Variants in PCSK6 observed in about 807,000 individuals in gnomAD.
PCSK6 encodes the protein paired basic amino acid cleaving enzyme 4.
A neutral mutation model predicts 123.3 loss-of-function variants in PCSK6; 85 were observed. The observed-to-expected ratio is 0.69, with a 90% CI of 0.58 to 0.83. The LOEUF (loss-of-function observed/expected upper bound fraction) is 0.83, where lower values mean the gene tolerates loss of function less well. PCSK6 is among the 40% of genes least tolerant of loss of function. The pLI, the probability that PCSK6 is intolerant of heterozygous loss-of-function variation, is 0.00. For missense variants in PCSK6, 1,191 were observed against 1,282.3 expected (o/e 0.93, Z 1.09); for synonymous variants, 508 against 516.0 (o/e 0.98, Z 0.21).
chr15:101,456,943 A>G (rs1466478128), intron 1 of PCSK6, among the ~76,000 whole-genome samples: 8 of 152,072 alleles, frequency 5.3e-5, no homozygotes, highest in Admixed American at 2.6e-4. Flanking sequence ...TTGGGAGGCC[A>G]AGCAGATCAC....
chr15:101,324,920 G>A lies in PCSK6; in HGVS notation c.2307C>T (p.Arg769=), dbSNP rs556410372. 91 of 1,613,558 alleles carry A rather than the reference G, an allele frequency of 5.6e-5. No homozygotes were observed. Among genetic ancestry groups the A allele is most frequent in the East Asian group, 4.7e-4 (21 of 44,880 alleles). The change falls in exon 17 of 22, where the codon CGC becomes CGT. Residue 769 remains arginine, a synonymous_variant. Coordinates refer to ENST00000611716, the MANE Select transcript of PCSK6 (RefSeq NM_002570.5). ...TCATCTCCTGGTGGTGATAGAACCC[G>A]CGGCGGCAAGACAGGCACTGCGTCG... The part of the protein sequence containing the change: ...RAATQCLSCR[R]GFYHHQEMNT...
Position 101,489,442 on chromosome 15 carries a change from G to A in PCSK6, c.229C>T (p.Gln77Ter). 2.4e-6 allele frequency: 3 copies of A among 1,246,990 alleles called. No homozygotes were observed. The highest frequency in any genetic ancestry group is 2.0e-6 in the Non-Finnish European group (2 of 983,918). The allele number at this position is 1,246,990 out of a possible 1,614,324, so 77.2% of individuals were successfully genotyped here. ...RPVYTNHWAVQVLGGPAEADR... is the reference protein window; with the variant it reads ...RPVYTNHWAV ...GCCTCGGCCGGGCCGCCCAGCACTTGCACCGCCCAGTGGTTGGTGTAGACG... is the reference window on the plus strand; with the variant it reads ...GCCTCGGCCGGGCCGCCCAGCACTTACACCGCCCAGTGGTTGGTGTAGACG... Residue 77 changes from glutamine (Q) to a stop codon, truncating the protein, a stop_gained, in exon 1 of 22, where the codon CAA (glutamine) becomes TAA (stop). Coordinates refer to ENST00000611716, the MANE Select transcript of PCSK6 (RefSeq NM_002570.5). LOFTEE classifies it high-confidence loss of function.
At chr15:101,461,597 A>G (rs1055779854) in intron 1 of PCSK6, among the ~76,000 whole-genome samples, 3 of 152,196 alleles carry the variant, frequency 2.0e-5, no homozygotes, top group African/African-American at 7.2e-5. Context: ...ACTCCTAACT[A>G]AAATATTAGA....
chr15:101,463,196 T>A (rs1452071022), intron 1 of PCSK6: 1 of 441,010 alleles, frequency 2.3e-6, no homozygotes, highest in Non-Finnish European at 4.6e-6. Context: ...TCCTTTGCCC[T>A]CTGACTGTGG....
At chr15:101,389,764 G>C (rs951920797) in intron 8 of PCSK6, among the ~76,000 whole-genome samples, 200 bp from the exon 9 acceptor site, 2 of 152,312 alleles carry the variant, frequency 1.3e-5, no homozygotes, top group Non-Finnish European at 1.5e-5. Context: ...CACTTTGTAG[G>C]AAGACAGGCA....
intron 2 of PCSK6, among the ~76,000 whole-genome samples, chr15:101,435,320 A>T (rs942626829): frequency 1.1e-5 from 1 of 90,390 alleles, no homozygotes; most frequent in Non-Finnish European, 2.3e-5. Context: ...CAAAAAAAAA[A>T]AGAAAGAAAG....
chr15:101,315,175 C>T (rs2039959553), intron 19 of PCSK6, among the ~76,000 whole-genome samples: 1 of 152,202 alleles, frequency 6.6e-6, no homozygotes, highest in Non-Finnish European at 1.5e-5. Context: ...GTTGTTAAAA[C>T]ACATTTATTT....
intron 8 of PCSK6, among the ~76,000 whole-genome samples, chr15:101,392,593 CTTT>C (rs10525638): frequency 7.4e-5 from 9 of 122,338 alleles, no homozygotes; most frequent in Middle Eastern, 4.3e-3. Flanking sequence ...CTCCCTTCCT[CTTT>C]TTTTTTTTTT....
intron 11 of PCSK6, among the ~76,000 whole-genome samples, chr15:101,371,428 CT>C (rs1428939894): frequency 1.3e-5 from 2 of 152,072 alleles, no homozygotes; most frequent in Non-Finnish European, 2.9e-5. Context: ...CTTGGACCCC[CT>C]AAATATATAA....
intron 5 of PCSK6, 64 bp downstream of exon 5, chr15:101,429,923 A>T (rs2056390643): frequency 7.3e-7 from 1 of 1,372,726 alleles, no homozygotes; most frequent in African/African-American, 1.4e-5. Context: ...CCTCGCACAC[A>T]CATTCAATAG....
At chr15:101,439,060 C>T (rs1055086438) in intron 2 of PCSK6, among the ~76,000 whole-genome samples, 1 of 152,024 alleles carries the variant, frequency 6.6e-6, no homozygotes, top group African/African-American at 2.4e-5. Context: ...GGCAAGGATG[C>T]CCACATGAGG....
At chr15:101,423,828 A>G (rs1233904255) in intron 6 of PCSK6, among the ~76,000 whole-genome samples, 1 of 152,226 alleles carries the variant, frequency 6.6e-6, no homozygotes, top group African/African-American at 2.4e-5. Context: ...CCCACTAAGA[A>G]GCACAGAAAA....
intron 1 of PCSK6, among the ~76,000 whole-genome samples, chr15:101,446,293 CAT>C (rs1178021215): frequency 1.3e-5 from 2 of 152,274 alleles, no homozygotes; most frequent in African/African-American, 2.4e-5. Context: ...ATAATGTGCT[CAT>C]GTTTCATCAG....
intron 17 of PCSK6, 72 bp from the exon 18 acceptor site, chr15:101,322,679 C>A: frequency 1.0e-6 from 1 of 974,620 alleles, no homozygotes; most frequent in South Asian, 1.4e-5. Context: ...GCAAGCAGGC[C>A]CCCGGCATTT....
chr15:101,427,753 C>A, intron 6 of PCSK6, 139 bp downstream of exon 6: 2 of 627,154 alleles, frequency 3.2e-6, no homozygotes, highest in East Asian at 5.5e-5. Context: ...ATACAGACGG[C>A]ACTGCTGCGT....
At chr15:101,428,013 A>G (rs1248642801) in intron 5 of PCSK6, 33 bp from the exon 6 acceptor site, 1 of 1,525,386 alleles carries the variant, frequency 6.6e-7, no homozygotes, top group South Asian at 1.2e-5. Context: ...GTGAGGACGC[A>G]GCCCAGCAAG....
chr15:101,453,801 T>A (rs1177782418), intron 1 of PCSK6, among the ~76,000 whole-genome samples: 2 of 152,278 alleles, frequency 1.3e-5, no homozygotes, highest in South Asian at 2.1e-4. Flanking sequence ...CTCAAGAAAG[T>A]CTCATCTAGA....
At chr15:101,473,097 C>T (rs1198057008) in intron 1 of PCSK6, among the ~76,000 whole-genome samples, 1 of 152,176 alleles carries the variant, frequency 6.6e-6, no homozygotes, top group East Asian at 1.9e-4. Context: ...TTTCTAGAGA[C>T]AGAGTCTCGC....
Position 101,382,092 on chromosome 15 carries a change from C to G in PCSK6, c.1532G>C (p.Arg511Thr), listed in dbSNP as rs529954953. The G allele has an allele frequency of 1.3e-6, 2 of 1,599,056 alleles. No individual in the cohort carries two copies. The highest frequency in any genetic ancestry group is 1.3e-5 in the African/African-American group (1 of 74,780). ...CACCGATGCCACAGCAGAGCCTTAC[C>G]TGGGTCTCTTGTCCGAGGCGGCCAC... ...MCVAASDKRP[R>T]SIPLVQVLRT... is the part of the protein sequence containing the mutation. The change falls in exon 11 of 22, where the codon AGG becomes ACG. Residue 511 changes from arginine (R) to threonine (T), a missense_variant and splice_region_variant. Physicochemically the swap from Arg to Thr is moderately conservative, Grantham distance 71. Coordinates refer to ENST00000611716, the MANE Select transcript of PCSK6 (RefSeq NM_002570.5).
Sources: gnomAD v4.1 joint callset for allele counts (sites outside exome capture counted in the v4.1 genomes callset) on GRCh38, gnomAD v4.1.1 for gene constraint, MANE v1.5 for transcripts, NCBI Gene and HGNC (gene_info 2026-07-23, HGNC 2026-07-21) for gene names.